TMEM98: variants seen among roughly 807,000 people sequenced by gnomAD.
TMEM98 encodes transmembrane protein 98.
TMEM98 carries 18 observed loss-of-function variants against 25.0 expected under a neutral mutation model. The ratio of observed to expected loss-of-function variants is 0.72; its 90% CI spans 0.50 to 1.07. TMEM98 has a LOEUF of 1.07. Ranked by LOEUF, TMEM98 falls within the 50% of genes least tolerant of loss-of-function variation. The pLI, the probability that TMEM98 is intolerant of heterozygous loss-of-function variation, is 0.00. For synonymous variants in TMEM98, 103 were observed against 112.4 expected (o/e 0.92, Z 0.53); for missense variants, 241 against 289.0 (o/e 0.83, Z 1.20).
chr17:32,936,782 C>T (rs758599178), intron 6 of TMEM98, among the ~76,000 whole-genome samples: 3 of 152,218 alleles, frequency 2.0e-5, no homozygotes, highest in South Asian at 2.1e-4. Flanking sequence ...CCCCTTGACA[C>T]GCCTTCCTCC....
In TMEM98 at chr17:32,943,632, C is replaced by T. The variant is rs2091541866; in HGVS notation, c.*2639C>T. 6.6e-6 allele frequency: 1 copy of T among 152,162 alleles called. No individual in the cohort carries two copies. Among genetic ancestry groups the T allele is most frequent in the African/African-American group, 2.4e-5 (1 of 41,442 alleles). 9.4% of individuals were successfully genotyped at this position (152,162 alleles called of 1,614,324 possible). A position where few individuals can be genotyped will look rare whatever the true frequency, so the allele number is the denominator to read the frequency against. ...AGTCAGAATTAGGTTTGAATTTGGG[C>T]TCAGTGACTTACAGTGTGAGCTTGG... On this transcript the variant is annotated 3_prime_UTR_variant, in exon 8 of 8. Transcript: ENST00000579849.
chr17:32,938,646 A>G (rs1222696340), intron 6 of TMEM98, among the ~76,000 whole-genome samples: 1 of 152,186 alleles, frequency 6.6e-6, no homozygotes, highest in Non-Finnish European at 1.5e-5. Flanking sequence ...TCGGTGTCTT[A>G]CATACCTTTA....
rs149053784 is a variant in TMEM98, at chr17:32,933,294, C to G, written c.252C>G (p.Ile84Met). The change falls in exon 4 of 8, where the codon ATC becomes ATG. Residue 84 changes from isoleucine to methionine, a missense_variant. Coordinates refer to ENST00000579849, the MANE Select transcript of TMEM98 (RefSeq NM_015544.3). ...IEAILENEDW[I>M]EDASGLMSHC... Reference sequence around the variant, plus strand: ...CCATTCTGGAGAATGAAGACTGGATCGAAGATGCCTCGTAAGGCCATGGGA... The same window carrying G: ...CCATTCTGGAGAATGAAGACTGGATGGAAGATGCCTCGTAAGGCCATGGGA... 5.6e-6 allele frequency: 9 copies of G among 1,614,022 alleles called. No individual in the cohort carries two copies. Among genetic ancestry groups the G allele is most frequent in the African/African-American group, 5.3e-5 (4 of 74,932 alleles).
At chr17:32,935,853 A>C (rs1289145106) in intron 5 of TMEM98, among the ~76,000 whole-genome samples, 1 of 152,148 alleles carries the variant, frequency 6.6e-6, no homozygotes, top group Non-Finnish European at 1.5e-5. Context: ...AAACATGCTA[A>C]TATATTACCT....
intron 3 of TMEM98, 54 bp from the exon 4 acceptor site, chr17:32,933,120 G>C: frequency 6.2e-7 from 1 of 1,606,198 alleles, no homozygotes; most frequent in Non-Finnish European, 8.5e-7. Context: ...GTGAGGAGAG[G>C]ATCAGCAGCG....
At chr17:32,935,624 T>G (rs1236937736) in intron 5 of TMEM98, among the ~76,000 whole-genome samples, 1 of 152,114 alleles carries the variant, frequency 6.6e-6, no homozygotes, top group African/African-American at 2.4e-5. Flanking sequence ...TGGGCTTCTT[T>G]CTGCCCTCTA....
At chr17:32,936,534 C>G in intron 6 of TMEM98, 87 bp downstream of exon 6, 1 of 1,160,082 alleles carries the variant, frequency 8.6e-7, no homozygotes, top group Non-Finnish European at 1.3e-6. Flanking sequence ...CTGGGCTCTT[C>G]TATAAAATGG....
intron 4 of TMEM98, 136 bp downstream of exon 4, chr17:32,933,441 TG>T: frequency 1.6e-6 from 2 of 1,241,560 alleles, no homozygotes; most frequent in East Asian, 2.4e-5. Context: ...GCCTTTAGTG[TG>T]GGGGAAAATC....
At position 32,928,233 on chromosome 17, in the gene TMEM98, C is replaced by G. The variant is rs1232949849; in HGVS notation, c.-135C>G. On this transcript the variant is annotated 5_prime_UTR_variant, in exon 1 of 8. Transcript: ENST00000579849. ...GCGGGATGCGCCCGGGAGCCACAGC[C>G]TGAGGTGGGTGAGCCCCGCCGGGCC... is the stretch of plus-strand genomic sequence containing the variant. 6.8e-6 allele frequency: 1 copy of G among 147,828 alleles called. No homozygotes were observed. The highest frequency in any genetic ancestry group is 1.5e-5 in the Non-Finnish European group (1 of 66,252). The allele number at this position is 147,828 out of a possible 1,614,324, so 9.2% of individuals were successfully genotyped here.
Position 32,928,199 on chromosome 17 carries a change from G to A in TMEM98, c.-169G>A, listed in dbSNP as rs1298371882. On this transcript the variant is annotated 5_prime_UTR_variant, in exon 1 of 8. Coordinates refer to ENST00000579849, the MANE Select transcript of TMEM98 (RefSeq NM_015544.3). ...CCCGCGCCCGGACTTTGCCATCGGC[G>A]GGGCAGTCGCGGGATGCGCCCGGGA... 4 of 148,520 alleles carry A rather than the reference G, an allele frequency of 2.7e-5. No homozygotes were observed. Among genetic ancestry groups the A allele is most frequent in the Middle Eastern group, 3.4e-3 (1 of 290 alleles). The allele number at this position is 148,520 out of a possible 1,614,324, so 9.2% of individuals were successfully genotyped here.
At chr17:32,928,831 C>G (rs1265656208) in intron 1 of TMEM98, among the ~76,000 whole-genome samples, 1 of 146,258 alleles carries the variant, frequency 6.8e-6, no homozygotes, top group Non-Finnish European at 1.5e-5. Context: ...AAGATAAACA[C>G]TCAGCTCACA....
At position 32,936,394 on chromosome 17, in the gene TMEM98, G is replaced by C. The variant is rs766203260; in HGVS notation, c.360G>C (p.Lys120Asn). The C allele has an allele frequency of 3.7e-6, 6 of 1,614,230 alleles. No homozygotes were observed. The South Asian group carries it at 6.6e-5, about 18-fold the overall frequency. ...CAATGGGCTCTGGGGCCAAGATGAA[G>C]ACTTCAGCCAGTGTCAGCGACATCA... ...AMTMGSGAKM[K>N]TSASVSDIIV... is the part of the protein sequence containing the mutation. The change falls in exon 6 of 8, where the codon AAG (lysine) becomes AAC (asparagine). Residue 120 changes from lysine to asparagine, a missense_variant. Physicochemically the swap from Lys to Asn is moderately conservative, Grantham distance 94. Transcript: ENST00000579849.
chr17:32,929,755 C>T (rs115109243), intron 1 of TMEM98, among the ~76,000 whole-genome samples: 3 of 152,292 alleles, frequency 2.0e-5, no homozygotes, highest in African/African-American at 7.2e-5. Flanking sequence ...AGGCATGTCC[C>T]AACCTTGTCT....
At chr17:32,940,113 G>A (rs1031571123) in intron 7 of TMEM98, among the ~76,000 whole-genome samples, 2 of 152,150 alleles carry the variant, frequency 1.3e-5, no homozygotes, top group Non-Finnish European at 2.9e-5. Flanking sequence ...TTGCCAGATC[G>A]GCAGTGGGTC....
intron 3 of TMEM98, 45 bp downstream of exon 3, chr17:32,931,704 TAAAGAA>T: frequency 1.9e-6 from 3 of 1,578,766 alleles, no homozygotes; most frequent in Non-Finnish European, 2.6e-6. Context: ...GGGCTCTAAC[TAAAGAA>T]AAAGAGAGGA....
chr17:32,935,776 G>A (rs895647400), intron 5 of TMEM98, among the ~76,000 whole-genome samples: 1 of 152,182 alleles, frequency 6.6e-6, no homozygotes. Context: ...GTGGGACCAC[G>A]AAGAAGGCTG....
At position 32,933,247 on chromosome 17, in the gene TMEM98, A is replaced by G. The variant is rs1050981803; in HGVS notation, c.205A>G (p.Ile69Val). 4 of 1,614,208 alleles carry G rather than the reference A, an allele frequency of 2.5e-6. No homozygotes were observed. Among genetic ancestry groups the G allele is most frequent in the Non-Finnish European group, 3.4e-6 (4 of 1,180,048 alleles). Residue 69 changes from isoleucine to valine, a missense_variant, in exon 4 of 8, where the codon ATC becomes GTC. Physicochemically the swap from Ile to Val is conservative, Grantham distance 29. Transcript: ENST00000579849. The part of the protein sequence containing the change: ...PSELELDDVV[I>V]TNPHIEAILE... ...TGAGTTAGAACTGGACGATGTCGTT[A>G]TCACCAACCCCCACATTGAGGCCAT...
At chr17:32,934,210 C>G in intron 4 of TMEM98, 81 bp from the exon 5 acceptor site, 2 of 1,536,734 alleles carry the variant, frequency 1.3e-6, no homozygotes, top group Non-Finnish European at 1.8e-6. Context: ...CCGGTCAGGG[C>G]AAGTTGAGAA....
At chr17:32,938,744 A>C (rs1458703126) in intron 6 of TMEM98, among the ~76,000 whole-genome samples, 1 of 151,976 alleles carries the variant, frequency 6.6e-6, no homozygotes, top group Non-Finnish European at 1.5e-5. Flanking sequence ...TGGAAAGTCT[A>C]CTCCCTCCCA....
Sources: allele counts gnomAD v4.1 joint callset (sites outside exome capture counted in the v4.1 genomes callset), GRCh38; gene constraint gnomAD v4.1.1; transcripts MANE v1.5; gene names NCBI Gene and HGNC (gene_info 2026-07-23, HGNC 2026-07-21).